The following SGCD variants were observed in gnomAD, a reference collection of about 807,000 sequenced individuals.
The protein encoded by SGCD is delta-sarcoglycan.
Under a neutral mutation model 36.6 loss-of-function variants are expected in SGCD, and 18 were observed. That is an observed-to-expected ratio of 0.49 (90% CI 0.34 to 0.73). The LOEUF is 0.73. SGCD is among the 30% of genes least tolerant of loss of function. The pLI is 0.01. For synonymous variants in SGCD, 133 were observed against 130.6 expected, an observed-to-expected ratio of 1.02 and a Z score of -0.12; for missense variants, 387 against 346.7, an observed-to-expected ratio of 1.12 and a Z score of -0.92.
intron 1 of SGCD, among the ~76,000 whole-genome samples, chr5:156,041,450 G>A (rs956423182): frequency 3.3e-5 from 5 of 152,162 alleles, no homozygotes; most frequent in Admixed American, 3.3e-4. Flanking sequence ...GTAGGGAAGG[G>A]TAGAAATATC....
intron 3 of SGCD, among the ~76,000 whole-genome samples, chr5:156,223,038 G>A (rs1159300392): frequency 6.6e-6 from 1 of 152,026 alleles, no homozygotes; most frequent in Admixed American, 6.6e-5. Flanking sequence ...TTTTCTGGAT[G>A]TAAATAACAG....
At chr5:155,734,040 C>T in the SGCD span, among the ~76,000 whole-genome samples, 1 of 148,644 alleles carries the variant, frequency 6.7e-6, no homozygotes, top group Non-Finnish European at 1.5e-5. Flanking sequence ...CACACAGATT[C>T]TCTCTTTATT....
intron 1 of SGCD, among the ~76,000 whole-genome samples, chr5:155,930,829 T>C (rs1355416337): frequency 6.6e-6 from 1 of 152,210 alleles, no homozygotes; most frequent in Non-Finnish European, 1.5e-5. Context: ...AAACTTAAGA[T>C]TAAAGTATTC....
upstream of SGCD, among the ~76,000 whole-genome samples, chr5:156,324,086 G>A (rs1767743489): frequency 6.6e-6 from 1 of 152,178 alleles, no homozygotes; most frequent in African/African-American, 2.4e-5. Flanking sequence ...AAGCAGATAT[G>A]TCAGATATTT....
At chr5:156,132,458 CTTTTT>C (rs573278623) in intron 3 of SGCD, among the ~76,000 whole-genome samples, 19 of 51,784 alleles carry the variant, frequency 3.7e-4, no homozygotes, top group South Asian at 6.8e-4. Context: ...CTTACCAAGT[CTTTTT>C]TTTTTTTTTT....
chr5:156,756,914 G>T (rs1757356322), intron 7 of SGCD, among the ~76,000 whole-genome samples: 1 of 152,146 alleles, frequency 6.6e-6, no homozygotes, highest in African/African-American at 2.4e-5. Context: ...TAAGGCCTGA[G>T]GCTTTCTTAT....
intron 3 of SGCD, among the ~76,000 whole-genome samples, chr5:156,195,377 T>C (rs937627576): frequency 3.9e-5 from 6 of 152,228 alleles, no homozygotes; most frequent in Non-Finnish European, 7.3e-5. Flanking sequence ...TTCTAAAAAT[T>C]CCTTCAAATA....
At chr5:155,792,414 C>T in the SGCD span, among the ~76,000 whole-genome samples, 1 of 99,210 alleles carries the variant, frequency 1.0e-5, no homozygotes, top group African/African-American at 3.8e-5. Context: ...CCTAATTAAA[C>T]TAAAGAGTTT....
At position 156,287,876 on chromosome 5, in the gene SGCD, G is replaced by A. The variant is rs142058829; in HGVS notation, c.-43-41658G>A. Among the ~76,000 whole-genome samples the A allele has an allele frequency of 6.7e-4, 102 of 152,144 alleles. 2 individuals are homozygous for A. The highest frequency in any genetic ancestry group is 2.4e-3 in the African/African-American group (99 of 41,532). ...ATCACATCACTACACTCCAGCCTGA[G>A]TGACAAAGTGAGGCTCTGTCTCAAA... On this transcript the variant is annotated intron_variant, in intron 3 of 9. Transcript: ENST00000517913.
At chr5:156,091,342 A>G (rs1761236156) in intron 1 of SGCD, among the ~76,000 whole-genome samples, 1 of 152,166 alleles carries the variant, frequency 6.6e-6, no homozygotes, top group Non-Finnish European at 1.5e-5. Context: ...TTCCCACAAC[A>G]CACTACCATG....
the SGCD span, among the ~76,000 whole-genome samples, chr5:155,765,150 G>T: frequency 6.6e-6 from 1 of 151,920 alleles, no homozygotes; most frequent in African/African-American, 2.4e-5. Context: ...ATGGTGGCAT[G>T]CACCTGTTAG....
At chr5:156,754,597 A>G (rs914644141) in intron 7 of SGCD, among the ~76,000 whole-genome samples, 3 of 152,248 alleles carry the variant, frequency 2.0e-5, no homozygotes, top group African/African-American at 4.8e-5. Context: ...TGGAACTAAT[A>G]TGGTATAAAC....
chr5:156,689,100 G>A (rs1398742682), intron 7 of SGCD, among the ~76,000 whole-genome samples: 1 of 152,184 alleles, frequency 6.6e-6, no homozygotes, highest in Non-Finnish European at 1.5e-5. Context: ...AATAAAGTCT[G>A]TAGTTTAGTT....
chr5:155,984,477 A>G (rs1048257782), intron 1 of SGCD, among the ~76,000 whole-genome samples: 5 of 152,230 alleles, frequency 3.3e-5, no homozygotes, highest in Non-Finnish European at 7.3e-5. Flanking sequence ...TTCTATAATC[A>G]TTAATCAATA....
At chr5:156,242,216 A>T (rs905157862) in intron 3 of SGCD, among the ~76,000 whole-genome samples, 5 of 152,222 alleles carry the variant, frequency 3.3e-5, no homozygotes, top group Admixed American at 6.5e-5. Context: ...TCTTAGGTGG[A>T]TATCCAGGGA....
chr5:156,764,268 A>AAAAT lies in SGCD; in HGVS notation c.*4880_*4883dup, dbSNP rs1308204949. Reference sequence around the variant, plus strand: ...CCCCTAGTTCCAACATATTTCCATTAAAATAGTCAAAGCCACGGCATTGGG... The same window carrying AAAAT: ...CCCCTAGTTCCAACATATTTCCATTAAAATAAATAGTCAAAGCCACGGCATTGGG... On this transcript the variant is annotated 3_prime_UTR_variant, in exon 9 of 9. Transcript: ENST00000337851. The AAAAT allele has an allele frequency of 6.6e-6, 1 of 152,648 alleles. No homozygotes were observed. The highest frequency in any genetic ancestry group is 1.9e-4 in the East Asian group (1 of 5,200). 9.5% of individuals were successfully genotyped at this position (152,648 alleles called of 1,614,324 possible).
intron 3 of SGCD, among the ~76,000 whole-genome samples, chr5:156,398,371 G>C (rs1282115953): frequency 6.6e-6 from 1 of 152,262 alleles, no homozygotes; most frequent in East Asian, 1.9e-4. Flanking sequence ...AGGCCTGTTG[G>C]GGGAATGTTC....
chr5:155,759,817 C>G, the SGCD span, among the ~76,000 whole-genome samples: 8 of 152,312 alleles, frequency 5.3e-5, no homozygotes, highest in Admixed American at 3.9e-4. Context: ...ACCTCCAAAT[C>G]TTAGTTACTA....
At chr5:156,504,011 C>T (rs977057046) in intron 3 of SGCD, among the ~76,000 whole-genome samples, 2 of 151,820 alleles carry the variant, frequency 1.3e-5, no homozygotes, top group African/African-American at 4.8e-5. Flanking sequence ...TGAGACCAGC[C>T]TGGCCAACAT....
Sources: allele counts gnomAD v4.1 joint callset (sites outside exome capture counted in the v4.1 genomes callset), GRCh38; gene constraint gnomAD v4.1.1; transcripts MANE v1.5; gene names NCBI Gene and HGNC (gene_info 2026-07-23, HGNC 2026-07-21).